FOXP1: variants seen among roughly 807,000 people sequenced by gnomAD.
FOXP1 encodes the protein forkhead box P1, also known as forkhead box protein P1.
A neutral mutation model predicts 98.2 loss-of-function variants in FOXP1; 15 were observed. The observed-to-expected ratio is 0.15, with a 90% confidence interval of 0.10 to 0.24. FOXP1 has a LOEUF of 0.24. FOXP1 is among the 10% of genes least tolerant of loss of function. FOXP1 has a pLI of 1.00. For synonymous variants in FOXP1, 371 were observed against 314.5 expected, an observed-to-expected ratio of 1.18 and a Z score of -1.90; for missense variants, 633 against 848.5, an observed-to-expected ratio of 0.75 and a Z score of 3.15.
At chr3:71,129,973 C>A (rs999835140) in intron 6 of FOXP1, among the ~76,000 whole-genome samples, 2 of 152,148 alleles carry the variant, frequency 1.3e-5, no homozygotes, top group African/African-American at 2.4e-5. Flanking sequence ...AGATAATGAC[C>A]GTGCGTGTTT....
At chr3:71,291,216 A>G (rs1182181534) in intron 5 of FOXP1, among the ~76,000 whole-genome samples, 1 of 152,222 alleles carries the variant, frequency 6.6e-6, no homozygotes, top group Non-Finnish European at 1.5e-5. Flanking sequence ...ACACTGTCTA[A>G]TAGAAATACA....
intron 5 of FOXP1, among the ~76,000 whole-genome samples, chr3:71,226,302 G>C (rs75416625): frequency 0.043 from 6,541 of 152,244 alleles, 162 homozygotes; most frequent in Non-Finnish European, 0.067. Context: ...GCTCTTTCTT[G>C]CAGGGGAGGC....
chr3:71,158,568 G>A (rs1388236771), intron 6 of FOXP1, among the ~76,000 whole-genome samples: 2 of 152,072 alleles, frequency 1.3e-5, no homozygotes, highest in Non-Finnish European at 2.9e-5. Flanking sequence ...TGAATGCTCT[G>A]CTCTAAAACT....
chr3:70,992,151 T>C (rs935443164), intron 13 of FOXP1, among the ~76,000 whole-genome samples: 7 of 152,166 alleles, frequency 4.6e-5, no homozygotes, highest in African/African-American at 1.7e-4. Context: ...ACTCCAACAG[T>C]GAGGCTTGGA....
rs148623925 is a variant in FOXP1 at position 71,041,837 on chromosome 3, T to C, written c.665-305A>G. 6.4e-4 allele frequency among the ~76,000 whole-genome samples: 97 copies of C among 152,252 alleles called. No individual in the cohort carries two copies. In the East Asian group the frequency reaches 0.01, roughly 16 times the overall value. ...CCCAAGTGTTATTTCTCAATTTTGA[T>C]GAAAAGTAGATAGATGTTACCTTAG... On this transcript the variant is annotated intron_variant, in intron 10 of 20. Coordinates refer to ENST00000649528, the MANE Select transcript of FOXP1 (RefSeq NM_001349338.3).
chr3:71,453,554 C>A (rs191112367), intron 3 of FOXP1, among the ~76,000 whole-genome samples: 22 of 152,284 alleles, frequency 1.4e-4, no homozygotes, highest in Non-Finnish European at 1.5e-4. Context: ...CTGATGGACA[C>A]ATAAAACTCA....
intron 3 of FOXP1, among the ~76,000 whole-genome samples, chr3:71,418,930 G>A (rs1157320280): frequency 1.6e-5 from 2 of 126,988 alleles, no homozygotes; most frequent in East Asian, 2.0e-4. Flanking sequence ...ATGAAAGACC[G>A]GTCTCAAAAA....
rs114327273 is a variant in FOXP1, at chr3:71,149,962, T to C, written c.181-37325A>G. On this transcript the variant is annotated intron_variant, in intron 6 of 20. Coordinates refer to ENST00000649528, the MANE Select transcript of FOXP1 (RefSeq NM_001349338.3). ...TTAGTCCCTGACTAATCCAGGTATC[T>C]GGATCATCTTGATACACAGTCTAAT... Among the ~76,000 whole-genome samples the C allele has an allele frequency of 9.2e-3, 1,398 of 152,360 alleles. 22 individuals carry two copies. The highest frequency in any genetic ancestry group is 0.032 in the African/African-American group (1,333 of 41,580).
chr3:71,017,905 G>A (rs2044749631), intron 11 of FOXP1, among the ~76,000 whole-genome samples: 1 of 152,136 alleles, frequency 6.6e-6, no homozygotes, highest in Non-Finnish European at 1.5e-5. Flanking sequence ...CTTGAAAAAT[G>A]CTACATGCCG....
intron 5 of FOXP1, among the ~76,000 whole-genome samples, chr3:71,212,230 C>T (rs2064531871): frequency 6.6e-6 from 1 of 152,122 alleles, no homozygotes; most frequent in Non-Finnish European, 1.5e-5. Context: ...GATTTACGAG[C>T]CACCAAAAAA....
intron 4 of FOXP1, among the ~76,000 whole-genome samples, chr3:71,313,687 G>A (rs1002060011): frequency 4.6e-5 from 7 of 150,890 alleles, no homozygotes; most frequent in Admixed American, 6.6e-5. Context: ...CACCATGCCC[G>A]GCTAATTTTT....
chr3:71,285,846 TCA>T (rs1301463249), intron 5 of FOXP1, among the ~76,000 whole-genome samples: 1 of 152,202 alleles, frequency 6.6e-6, no homozygotes, highest in East Asian at 1.9e-4. Context: ...CTTTTCTGTA[TCA>T]CAGTTTCATC....
intron 5 of FOXP1, among the ~76,000 whole-genome samples, chr3:71,222,890 A>G (rs530680528): frequency 1.3e-5 from 2 of 152,046 alleles, no homozygotes; most frequent in African/African-American, 4.8e-5. Flanking sequence ...CTTTCCTCCA[A>G]CCTGCTACTT....
chr3:71,418,704 T>G (rs778981188), intron 3 of FOXP1, among the ~76,000 whole-genome samples: 1 of 152,086 alleles, frequency 6.6e-6, no homozygotes, highest in African/African-American at 2.4e-5. Flanking sequence ...AGGATATAAA[T>G]CTAAACCAAA....
At chr3:71,063,893 C>G (rs1002492292) in intron 7 of FOXP1, among the ~76,000 whole-genome samples, 13 of 152,208 alleles carry the variant, frequency 8.5e-5, no homozygotes, top group African/African-American at 2.4e-4. Context: ...TAAAACTTTA[C>G]CACCCACTTC....
intron 20 of FOXP1, among the ~76,000 whole-genome samples, chr3:70,962,400 T>C (rs1019376669): frequency 5.9e-5 from 9 of 152,236 alleles, no homozygotes; most frequent in South Asian, 2.1e-4. Flanking sequence ...AACATCTTTA[T>C]GGTTCCTATG....
At chr3:71,010,867 C>A (rs1210553324) in intron 12 of FOXP1, among the ~76,000 whole-genome samples, 1 of 114,980 alleles carries the variant, frequency 8.7e-6, no homozygotes, top group Non-Finnish European at 1.6e-5. Context: ...TTCAAAGAAG[C>A]CAGGTGGTTT....
At chr3:71,506,809 G>A (rs1187128561) in intron 2 of FOXP1, among the ~76,000 whole-genome samples, 1 of 152,192 alleles carries the variant, frequency 6.6e-6, no homozygotes, top group Non-Finnish European at 1.5e-5. Context: ...AGGGCACCTG[G>A]GTTCAGCTCC....
At chr3:71,470,059 A>T (rs13068294) in intron 3 of FOXP1, among the ~76,000 whole-genome samples, 53,152 of 151,614 alleles carry the variant, frequency 0.35, 9,774 homozygotes, top group Non-Finnish European at 0.38. Context: ...AAAATAAAAT[A>T]TTAATAAAAT....
Sources: gnomAD v4.1 joint callset for allele counts (sites outside exome capture counted in the v4.1 genomes callset) on GRCh38, gnomAD v4.1.1 for gene constraint, MANE v1.5 for transcripts, NCBI Gene and HGNC (gene_info 2026-07-23, HGNC 2026-07-21) for gene names.